Variants in TSEN2 observed in about 807,000 individuals in gnomAD.
The protein encoded by TSEN2 is tRNA splicing endonuclease subunit 2.
TSEN2 carries 54 observed loss-of-function variants against 59.2 expected under a neutral mutation model. The observed-to-expected ratio is 0.91, with a 90% CI of 0.73 to 1.14. TSEN2 has a LOEUF of 1.14. Ranked by LOEUF, TSEN2 falls within the 50% of genes most tolerant of loss-of-function variation. The probability of loss-of-function intolerance (pLI) is 0.00; values close to 1 mark genes in which losing one functional copy is unlikely to be tolerated. For missense variants in TSEN2, 636 were observed against 576.2 expected (o/e 1.10, Z -1.06); for synonymous variants, 195 against 198.2 (o/e 0.98, Z 0.14).
rs553205696 is a variant in TSEN2, at chr3:12,507,432, T to C, written c.909+2201T>C. On this transcript the variant is annotated intron_variant, in intron 6 of 11. Coordinates refer to ENST00000284995, the MANE Select transcript of TSEN2 (RefSeq NM_025265.4). ...TGGGGGCTATGTAACATCTTGTTCA[T>C]AGGATGTTCTGGAAATTAAATAATA... Among the ~76,000 whole-genome samples the C allele has an allele frequency of 2.6e-5, 4 of 152,336 alleles. No individual in the cohort carries two copies. In the South Asian group the frequency reaches 6.2e-4, roughly 24 times the overall value.
chr3:12,519,107 C>G lies in TSEN2; in HGVS notation c.1009C>G (p.Pro337Ala), dbSNP rs1165263281. Reference protein sequence around the residue: ...KLWKAFTVVQPTFRTTYMAYH... With the variant: ...KLWKAFTVVQATFRTTYMAYH... ...CTGGAAAGCTTTCACTGTAGTTCAG[C>G]CCACGTTCAGAACCACCTACATGGC... The change falls in exon 8 of 12, where the codon CCC becomes GCC. Residue 337 changes from proline (P) to alanine (A), a missense_variant. Physicochemically the swap from Pro to Ala is conservative, Grantham distance 27 (BLOSUM62 -1). Transcript: ENST00000284995. The G allele has an allele frequency of 1.2e-6, 2 of 1,614,150 alleles. No homozygotes were observed. Among genetic ancestry groups the G allele is most frequent in the South Asian group, 1.1e-5 (1 of 91,090 alleles).
chr3:12,525,857 G>A (rs920375852), intron 8 of TSEN2, among the ~76,000 whole-genome samples: 6 of 151,886 alleles, frequency 4.0e-5, no homozygotes, highest in Admixed American at 6.6e-5. Flanking sequence ...GAGCCACCGC[G>A]CCCGGTGGTT....
At chr3:12,529,254 C>A (rs1188438603) in intron 9 of TSEN2, among the ~76,000 whole-genome samples, 1 of 152,098 alleles carries the variant, frequency 6.6e-6, no homozygotes, top group Non-Finnish European at 1.5e-5. Flanking sequence ...ATCATGAGGT[C>A]AGGAATTCAA....
chr3:12,532,880 A>G lies in TSEN2; in HGVS notation c.*159A>G. ...AGTGTTTTTAAAGATAAATTACACAAGGGAGGAGAAAGATCCCTGTGCTAG... is the reference window on the plus strand; with the variant it reads ...AGTGTTTTTAAAGATAAATTACACAGGGGAGGAGAAAGATCCCTGTGCTAG... On this transcript the variant is annotated 3_prime_UTR_variant, in exon 12 of 12. Coordinates refer to ENST00000284995, the MANE Select transcript of TSEN2 (RefSeq NM_025265.4). 2.7e-6 allele frequency: 2 copies of G among 730,238 alleles called. No individual in the cohort carries two copies. The highest frequency in any genetic ancestry group is 2.3e-6 in the Non-Finnish European group (1 of 427,744). 45.2% of individuals were successfully genotyped at this position (730,238 alleles called of 1,614,324 possible). A position where few individuals can be genotyped will look rare whatever the true frequency, so the allele number is the denominator to read the frequency against.
intron 5 of TSEN2, 40 bp downstream of exon 5, chr3:12,503,824 C>G: frequency 6.3e-7 from 1 of 1,595,746 alleles, no homozygotes; most frequent in Non-Finnish European, 8.5e-7. Flanking sequence ...CAAAGCCATC[C>G]GTTCCTGGAG....
At chr3:12,513,676 G>A (rs2055739384) in intron 6 of TSEN2, among the ~76,000 whole-genome samples, 1 of 152,050 alleles carries the variant, frequency 6.6e-6, no homozygotes, top group East Asian at 1.9e-4. Context: ...TGCAAATTGT[G>A]GTAAAATGCA....
At chr3:12,515,523 T>C (rs2055975482) in intron 6 of TSEN2, among the ~76,000 whole-genome samples, 1 of 152,208 alleles carries the variant, frequency 6.6e-6, no homozygotes, top group South Asian at 2.1e-4. Context: ...TACCATTTGG[T>C]CACTACCTGC....
upstream of TSEN2, among the ~76,000 whole-genome samples, chr3:12,482,588 G>A (rs1056662710): frequency 6.7e-6 from 1 of 149,626 alleles, no homozygotes; most frequent in Non-Finnish European, 1.5e-5. Flanking sequence ...TTATGTTTTT[G>A]GGAGGGGAAT....
rs958510343 is a variant in TSEN2, at chr3:12,484,597, A to G, written c.-301A>G. The G allele has an allele frequency of 6.6e-6, 1 of 152,346 alleles. No individual in the cohort carries two copies. Among genetic ancestry groups the G allele is most frequent in the Admixed American group, 6.5e-5 (1 of 15,288 alleles). The allele number at this position is 152,346 out of a possible 1,614,324, so 9.4% of individuals were successfully genotyped here. A position where few individuals can be genotyped will look rare whatever the true frequency, so the allele number is the denominator to read the frequency against. On this transcript the variant is annotated 5_prime_UTR_variant, in exon 1 of 12. Coordinates refer to ENST00000284995, the MANE Select transcript of TSEN2 (RefSeq NM_025265.4). ...CGAAAGGAAATCTCGCTCTTCCGAA[A>G]GTCCTCCAGGGCGAGAGAGGAAAGG...
chr3:12,480,732 C>A (rs1254156173), upstream of TSEN2, among the ~76,000 whole-genome samples: 20 of 151,744 alleles, frequency 1.3e-4, no homozygotes, highest in Non-Finnish European at 1.5e-5. Context: ...CGGGGTTTTG[C>A]CATGTTGGCC....
chr3:12,496,512 T>C lies in TSEN2; in HGVS notation c.272-6T>C. ...GCCTGAAACTAATAGAACTTCTTTGTTCCAGATATGAAGACAAACATGCCT... is the reference window on the plus strand; with the variant it reads ...GCCTGAAACTAATAGAACTTCTTTGCTCCAGATATGAAGACAAACATGCCT... On this transcript the variant is annotated splice_region_variant and splice_polypyrimidine_tract_variant and intron_variant, in intron 3 of 11. Transcript: ENST00000284995. 6.2e-7 allele frequency: 1 copy of C among 1,614,134 alleles called. No individual in the cohort carries two copies. The highest frequency in any genetic ancestry group is 1.1e-5 in the South Asian group (1 of 91,088).
rs78943415 is a variant in TSEN2 at position 12,505,265 on chromosome 3, G to A, written c.909+34G>A. 7,689 of 1,388,750 alleles carry A rather than the reference G, an allele frequency of 5.5e-3. 296 individuals carry two copies. The African/African-American group carries it at 0.09, about 16-fold the overall frequency. 86.0% of individuals were successfully genotyped at this position (1,388,750 alleles called of 1,614,324 possible). On this transcript the variant is annotated intron_variant, in intron 6 of 11. Coordinates refer to ENST00000284995, the MANE Select transcript of TSEN2 (RefSeq NM_025265.4). ...TCAACATATTATTATTTCAGCCATC[G>A]GTCTCTGGGCCTGAACTACACTATA...
At chr3:12,496,881 A>G (rs940562631) in intron 4 of TSEN2, among the ~76,000 whole-genome samples, 2 of 152,190 alleles carry the variant, frequency 1.3e-5, no homozygotes, top group Admixed American at 6.5e-5. Context: ...GTGGGCACAG[A>G]TGGTCCTGTC....
rs149644108 is a variant in TSEN2, at chr3:12,498,628, C to T, written c.308+2074C>T. On this transcript the variant is annotated intron_variant, in intron 4 of 11. Coordinates refer to ENST00000284995, the MANE Select transcript of TSEN2 (RefSeq NM_025265.4). ...ATAACAAAGGACAAAGTGACATAAA[C>T]GACACATAGTGACAGTGCAGGAATG... Among the ~76,000 whole-genome samples, 515 of 152,240 alleles carry T rather than the reference C, an allele frequency of 3.4e-3. 6 individuals carry two copies. Among genetic ancestry groups the T allele is most frequent in the African/African-American group, 0.012 (500 of 41,548 alleles).
At chr3:12,481,752 C>T (rs887954452), upstream of TSEN2, among the ~76,000 whole-genome samples, 3 of 152,142 alleles carry the variant, frequency 2.0e-5, no homozygotes, top group Non-Finnish European at 4.4e-5. Flanking sequence ...GATGAAAATG[C>T]TGTGACCAGA....
intron 8 of TSEN2, 84 bp from the exon 9 acceptor site, chr3:12,528,804 A>T: frequency 1.4e-6 from 2 of 1,468,936 alleles, no homozygotes; most frequent in Non-Finnish European, 1.9e-6. Flanking sequence ...AAGAAAAGTT[A>T]ATAAAGCAAG....
upstream of TSEN2, among the ~76,000 whole-genome samples, chr3:12,483,920 G>A (rs2052325080): frequency 3.3e-5 from 5 of 152,256 alleles, no homozygotes; most frequent in South Asian, 4.1e-4. Context: ...AGCCAGTGAG[G>A]GGGGAAAATG....
intron 8 of TSEN2, among the ~76,000 whole-genome samples, chr3:12,525,327 AGTCAT>A (rs1312057947): frequency 6.6e-6 from 1 of 152,204 alleles, no homozygotes; most frequent in Non-Finnish European, 1.5e-5. Flanking sequence ...GTAAAAAACA[AGTCAT>A]TTGTGGAGTG....
At chr3:12,512,980 A>C (rs779909923) in intron 6 of TSEN2, among the ~76,000 whole-genome samples, 1 of 152,210 alleles carries the variant, frequency 6.6e-6, no homozygotes, top group Non-Finnish European at 1.5e-5. Context: ...CGAAAGTAAA[A>C]CTTACTAATG....
Sources: allele counts gnomAD v4.1 joint callset (sites outside exome capture counted in the v4.1 genomes callset), GRCh38; gene constraint gnomAD v4.1.1; transcripts MANE v1.5; gene names NCBI Gene and HGNC (gene_info 2026-07-23, HGNC 2026-07-21).